VPS13B: variants seen among roughly 807,000 people sequenced by gnomAD.
VPS13B encodes the protein intermembrane lipid transfer protein VPS13B.
A neutral mutation model predicts 426.4 loss-of-function variants in VPS13B; 285 were observed. That is an observed-to-expected ratio of 0.67 (90% CI 0.61 to 0.74). The LOEUF (loss-of-function observed/expected upper bound fraction) is 0.74. Ranked by LOEUF, VPS13B falls within the 30% of genes least tolerant of loss-of-function variation. The pLI, the probability that VPS13B is intolerant of heterozygous loss-of-function variation, is 0.00. For synonymous variants in VPS13B, 1,676 were observed against 1,676.4 expected (o/e 1.00, Z 0.01); for missense variants, 4,537 against 4,782.6 (o/e 0.95, Z 1.51).
intron 31 of VPS13B, among the ~76,000 whole-genome samples, chr8:99,569,600 A>G (rs1456691175): frequency 2.0e-5 from 3 of 152,200 alleles, no homozygotes; most frequent in African/African-American, 7.2e-5. Flanking sequence ...TGTGATTCTT[A>G]AACTCCTTTA....
At chr8:99,871,389 T>TA in intron 60 of VPS13B, 59 bp from the exon 61 acceptor site, 1 of 1,612,470 alleles carries the variant, frequency 6.2e-7, no homozygotes, top group South Asian at 1.1e-5. Flanking sequence ...TAATGAGCAC[T>TA]GATAAGTGAC....
intron 54 of VPS13B, among the ~76,000 whole-genome samples, chr8:99,846,214 T>TA (rs2130895265): frequency 6.6e-6 from 1 of 152,308 alleles, no homozygotes; most frequent in South Asian, 2.1e-4. Context: ...TCATGGAACT[T>TA]ACACAGAGTC....
At chr8:99,615,764 G>A (rs1350925138) in intron 33 of VPS13B, among the ~76,000 whole-genome samples, 6 of 152,060 alleles carry the variant, frequency 3.9e-5, no homozygotes. Flanking sequence ...GCTGGCAAGG[G>A]GAGTTGTGAC....
intron 42 of VPS13B, 115 bp from the exon 43 acceptor site, chr8:99,784,200 T>C: frequency 7.5e-7 from 1 of 1,333,158 alleles, no homozygotes; most frequent in Non-Finnish European, 1.1e-6. Context: ...CCAGAGCTAA[T>C]GACAACAGAT....
intron 8 of VPS13B, among the ~76,000 whole-genome samples, chr8:99,122,161 A>G (rs1847981412): frequency 6.6e-6 from 1 of 151,444 alleles, no homozygotes; most frequent in Non-Finnish European, 1.5e-5. Flanking sequence ...GCCCAGCCTC[A>G]TAACAAATTT....
chr8:99,536,866 T>G, intron 30 of VPS13B: 1 of 480,526 alleles, frequency 2.1e-6, no homozygotes, highest in Non-Finnish European at 4.3e-6. Flanking sequence ...CACTAAACTT[T>G]AAGAATTTTC....
chr8:99,425,180 A>G (rs1442093181), intron 21 of VPS13B, among the ~76,000 whole-genome samples: 1 of 152,198 alleles, frequency 6.6e-6, no homozygotes, highest in Non-Finnish European at 1.5e-5. Flanking sequence ...ATTCCAATCA[A>G]TAGAAAAAGA....
At chr8:99,301,724 T>A (rs1820378623) in intron 19 of VPS13B, among the ~76,000 whole-genome samples, 1 of 152,262 alleles carries the variant, frequency 6.6e-6, no homozygotes, top group African/African-American at 2.4e-5. Flanking sequence ...AGAGTCCTTG[T>A]TTCCATCTAA....
intron 36 of VPS13B, among the ~76,000 whole-genome samples, chr8:99,707,735 C>T (rs538413396): frequency 1.3e-5 from 2 of 152,254 alleles, no homozygotes; most frequent in South Asian, 4.1e-4. Context: ...GTCAAGGAAC[C>T]TTGGGTTGAA....
intron 17 of VPS13B, among the ~76,000 whole-genome samples, chr8:99,250,664 CTTTTTTTTTTTTTTTTTTTTTT>C (rs60698750): frequency 8.1e-4 from 29 of 35,772 alleles, no homozygotes; most frequent in South Asian, 1.4e-3. Context: ...TGTGTTTATT[CTTTTTTTTTTTTTTTTTTTTTT>C]TTTTTTTTTT....
intron 23 of VPS13B, among the ~76,000 whole-genome samples, chr8:99,467,212 C>T (rs1056909491): frequency 8.6e-5 from 13 of 151,928 alleles, no homozygotes; most frequent in African/African-American, 1.9e-4. Context: ...TGTTAATGTA[C>T]GGTTTATAGT....
At chr8:99,446,251 A>G (rs557028798) in intron 23 of VPS13B, among the ~76,000 whole-genome samples, 7 of 151,868 alleles carry the variant, frequency 4.6e-5, no homozygotes, top group African/African-American at 1.7e-4. Flanking sequence ...TTTTTGAAAT[A>G]TATTTTCTGG....
chr8:99,307,341 A>G (rs1292670163), intron 19 of VPS13B, among the ~76,000 whole-genome samples: 1 of 152,072 alleles, frequency 6.6e-6, no homozygotes, highest in Non-Finnish European at 1.5e-5. Flanking sequence ...ATTGTTAAAA[A>G]TTACTGTCCT....
intron 19 of VPS13B, among the ~76,000 whole-genome samples, chr8:99,370,592 A>G (rs1042625626): frequency 9.1e-5 from 13 of 142,514 alleles, no homozygotes; most frequent in African/African-American, 3.3e-4. Context: ...GTCTACATAT[A>G]TTGAGTGAAG....
At chr8:99,352,105 C>T (rs1161814915) in intron 19 of VPS13B, among the ~76,000 whole-genome samples, 1 of 152,090 alleles carries the variant, frequency 6.6e-6, no homozygotes, top group Non-Finnish European at 1.5e-5. Flanking sequence ...TTTTCTTGCC[C>T]TCCTCCTGTG....
chr8:99,263,805 G>A (rs752789782), intron 17 of VPS13B, among the ~76,000 whole-genome samples: 1 of 152,144 alleles, frequency 6.6e-6, no homozygotes, highest in Non-Finnish European at 1.5e-5. Flanking sequence ...CACAGGTCCT[G>A]AGGTTTAGCA....
intron 19 of VPS13B, among the ~76,000 whole-genome samples, chr8:99,381,070 G>A (rs1813773505): frequency 6.6e-6 from 1 of 151,700 alleles, no homozygotes; most frequent in Non-Finnish European, 1.5e-5. Flanking sequence ...TCCACCCTCT[G>A]ATAGGCCCCA....
intron 17 of VPS13B, among the ~76,000 whole-genome samples, chr8:99,256,101 G>T (rs1817729836): frequency 1.3e-5 from 2 of 152,072 alleles, no homozygotes; most frequent in Non-Finnish European, 2.9e-5. Context: ...TGGTCCTTTG[G>T]CTAAGGAGAA....
intron 34 of VPS13B, among the ~76,000 whole-genome samples, chr8:99,647,714 A>C (rs1829646509): frequency 6.6e-6 from 1 of 152,062 alleles, no homozygotes; most frequent in Non-Finnish European, 1.5e-5. Context: ...ATATCACAAA[A>C]AAATTCAGGC....
Sources: allele counts gnomAD v4.1 joint callset (sites outside exome capture counted in the v4.1 genomes callset), GRCh38; gene constraint gnomAD v4.1.1; transcripts MANE v1.5; gene names NCBI Gene and HGNC (gene_info 2026-07-23, HGNC 2026-07-21).